Variants in ANO3 observed in about 807,000 individuals in gnomAD.
ANO3 encodes anoctamin-3.
Under a neutral mutation model 144.8 loss-of-function variants are expected in ANO3, and 99 were observed. That is an observed-to-expected ratio of 0.68 (90% CI 0.58 to 0.81). ANO3 has a LOEUF of 0.81. Ranked by LOEUF, ANO3 falls within the 30% of genes least tolerant of loss-of-function variation. The pLI is 0.00. For missense variants in ANO3, 905 were observed against 1,202.2 expected, an observed-to-expected ratio of 0.75 and a Z score of 3.66; for synonymous variants, 414 against 392.6, an observed-to-expected ratio of 1.05 and a Z score of -0.64.
At chr11:26,295,593 C>T (rs2133857937) in intron 1 of ANO3, among the ~76,000 whole-genome samples, 1 of 149,248 alleles carries the variant, frequency 6.7e-6, no homozygotes, top group East Asian at 2.0e-4. Context: ...TTTTGTAATA[C>T]TTAAAGCTAT....
chr11:26,561,872 A>G (rs1020372340), intron 14 of ANO3, among the ~76,000 whole-genome samples: 1 of 151,986 alleles, frequency 6.6e-6, no homozygotes, highest in Non-Finnish European at 1.5e-5. Context: ...GGTATCTTAA[A>G]GTACTACAAG....
chr11:26,236,645 T>A lies in ANO3; in HGVS notation c.154+47315T>A, dbSNP rs112809535. Among the ~76,000 whole-genome samples the A allele has an allele frequency of 2.6e-3, 401 of 151,816 alleles. 1 individual carries two copies. The highest frequency in any genetic ancestry group is 9.2e-3 in the African/African-American group (383 of 41,438). On this transcript the variant is annotated intron_variant, in intron 1 of 27. Coordinates refer to the ANO3 transcript ENST00000672621. ...CATCCTGGCTAACACAGTGAAACCC[T>A]GTCTCTACTAAAAATACAAAAAATT... is the stretch of plus-strand genomic sequence containing the variant.
chr11:26,633,002 C>T (rs1852835322), intron 18 of ANO3, among the ~76,000 whole-genome samples: 1 of 152,124 alleles, frequency 6.6e-6, no homozygotes, highest in Admixed American at 6.6e-5. Flanking sequence ...TTCTGGGTGG[C>T]CCACAGACCC....
chr11:26,598,759 C>A, intron 15 of ANO3, 99 bp from the exon 16 acceptor site: 1 of 1,268,106 alleles, frequency 7.9e-7, no homozygotes, highest in Non-Finnish European at 1.1e-6. Flanking sequence ...AGACTTAATA[C>A]AAAAGTAGGC....
chr11:26,399,401 C>T (rs1032867020), intron 1 of ANO3, among the ~76,000 whole-genome samples: 2 of 151,912 alleles, frequency 1.3e-5, no homozygotes, highest in Admixed American at 6.6e-5. Flanking sequence ...AATACACACA[C>T]AAAGTCCATT....
At position 26,544,265 on chromosome 11, in the gene ANO3, TATATATATAC is replaced by T. The variant is rs1293713850; in HGVS notation, c.1154+2199_1154+2208del. ...ATTTCATTATACATATATATATATA[TATATATATAC>T]ACACATACACACACACACACACATA... is the stretch of plus-strand genomic sequence containing the variant. On this transcript the variant is annotated intron_variant, in intron 11 of 26. Transcript: ENST00000256737. Among the ~76,000 whole-genome samples, 37 of 79,538 alleles carry T rather than the reference TATATATATAC, an allele frequency of 4.7e-4. 3 individuals are homozygous for T. The highest frequency in any genetic ancestry group is 1.3e-3 in the African/African-American group (30 of 23,604). 52.2% of individuals were successfully genotyped at this position (79,538 alleles called of 152,430 possible). A position where few individuals can be genotyped will look rare whatever the true frequency, so the allele number is the denominator to read the frequency against.
intron 1 of ANO3, among the ~76,000 whole-genome samples, chr11:26,318,541 G>A (rs1042284304): frequency 6.6e-6 from 1 of 152,180 alleles, no homozygotes; most frequent in African/African-American, 2.4e-5. Flanking sequence ...AGGGAGACAC[G>A]ACTGACAGCA....
intron 4 of ANO3, among the ~76,000 whole-genome samples, chr11:26,485,325 C>A (rs1196295206): frequency 1.3e-5 from 2 of 151,936 alleles, no homozygotes; most frequent in African/African-American, 4.8e-5. Flanking sequence ...TTCTCCCTTG[C>A]TGTTTTCATG....
At chr11:26,579,166 A>G (rs1186122805) in intron 14 of ANO3, among the ~76,000 whole-genome samples, 2 of 152,230 alleles carry the variant, frequency 1.3e-5, no homozygotes, top group Admixed American at 6.5e-5. Flanking sequence ...AAAGATCCAC[A>G]TGATTTATTA....
intron 3 of ANO3, among the ~76,000 whole-genome samples, chr11:26,452,379 G>T (rs1000051744): frequency 2.6e-5 from 4 of 152,160 alleles, no homozygotes. Flanking sequence ...ACAGAGAAGT[G>T]CTTAAAGGAG....
At chr11:26,550,080 C>G (rs915667031) in intron 12 of ANO3, among the ~76,000 whole-genome samples, 4 of 151,416 alleles carry the variant, frequency 2.6e-5, no homozygotes, top group Non-Finnish European at 5.9e-5. Flanking sequence ...AAAAAAATGA[C>G]TTTGTCAGGC....
chr11:26,327,934 A>T (rs959552309), upstream of ANO3, among the ~76,000 whole-genome samples: 4 of 152,214 alleles, frequency 2.6e-5, no homozygotes, highest in African/African-American at 9.6e-5. Context: ...ACTGCTGTTT[A>T]ACCCATCATC....
At chr11:26,248,819 C>A (rs762465374) in intron 1 of ANO3, among the ~76,000 whole-genome samples, 3 of 152,190 alleles carry the variant, frequency 2.0e-5, no homozygotes, top group Admixed American at 6.5e-5. Flanking sequence ...CATACGCACA[C>A]AGCAGGAGGT....
At chr11:26,221,685 C>G (rs375168573) in intron 1 of ANO3, among the ~76,000 whole-genome samples, 4 of 151,444 alleles carry the variant, frequency 2.6e-5, no homozygotes, top group Non-Finnish European at 5.9e-5. Flanking sequence ...TTTGGTGAAG[C>G]CTCAGGAAGA....
intron 5 of ANO3, among the ~76,000 whole-genome samples, chr11:26,509,683 G>T (rs1861581008): frequency 6.6e-6 from 1 of 152,110 alleles, no homozygotes; most frequent in Non-Finnish European, 1.5e-5. Context: ...AACTGTTTTT[G>T]ATGAAATATC....
chr11:26,555,584 G>C (rs775679579), intron 13 of ANO3, among the ~76,000 whole-genome samples: 1 of 152,108 alleles, frequency 6.6e-6, no homozygotes, highest in Non-Finnish European at 1.5e-5. Flanking sequence ...GTATAAGGAA[G>C]GTGGAAAAGT....
intron 14 of ANO3, chr11:26,563,405 G>GTA: frequency 7.8e-6 from 3 of 384,736 alleles, no homozygotes; most frequent in Non-Finnish European, 8.5e-6. Context: ...CTGTGTGTGT[G>GTA]TGTGTGTGTG....
intron 1 of ANO3, among the ~76,000 whole-genome samples, chr11:26,270,540 G>GT (rs1291973681): frequency 1.4e-4 from 21 of 152,108 alleles, no homozygotes; most frequent in Non-Finnish European, 2.4e-4. Context: ...CAGTGCTTAT[G>GT]TTTAGGAGGT....
At chr11:26,417,149 A>T (rs1857613349) in intron 1 of ANO3, among the ~76,000 whole-genome samples, 1 of 152,138 alleles carries the variant, frequency 6.6e-6, no homozygotes. Context: ...GAATCCAATG[A>T]TATGTTATCT....
Sources: gnomAD v4.1 joint callset for allele counts (sites outside exome capture counted in the v4.1 genomes callset) on GRCh38, gnomAD v4.1.1 for gene constraint, MANE v1.5 for transcripts, NCBI Gene and HGNC (gene_info 2026-07-23, HGNC 2026-07-21) for gene names.